BACE2: variants seen among roughly 807,000 people sequenced by gnomAD.
BACE2 encodes the protein 56 kDa aspartic-like protease.
In BACE2, 17 loss-of-function variants were observed where a neutral mutation model predicts 46.2. That is an observed-to-expected ratio of 0.37 (90% CI 0.25 to 0.55). The LOEUF is 0.55. Ranked by LOEUF, BACE2 falls within the 20% of genes least tolerant of loss-of-function variation. The probability of loss-of-function intolerance (pLI) is 0.82; values close to 1 mark genes in which losing one functional copy is unlikely to be tolerated. For synonymous variants in BACE2, 277 were observed against 295.9 expected (o/e 0.94, Z 0.66); for missense variants, 595 against 698.1 (o/e 0.85, Z 1.66).
intron 1 of BACE2, among the ~76,000 whole-genome samples, chr21:41,201,752 G>C (rs1478966658): frequency 6.6e-6 from 1 of 152,228 alleles, no homozygotes; most frequent in African/African-American, 2.4e-5. Flanking sequence ...GTGGTGAAAT[G>C]GGTTTTTTCA....
chr21:41,223,330 T>C (rs1986712899), intron 1 of BACE2, among the ~76,000 whole-genome samples: 1 of 150,186 alleles, frequency 6.7e-6, no homozygotes, highest in African/African-American at 2.5e-5. Flanking sequence ...TACTCCAGCC[T>C]GGGTGACAGA....
rs748361717 is a variant in BACE2 at position 41,179,367 on chromosome 21, G to T, written c.312+10792G>T. 3.8e-6 allele frequency: 5 copies of T among 1,327,818 alleles called. No individual in the cohort carries two copies. The East Asian group carries it at 1.9e-4, about 52-fold the overall frequency. The allele number at this position is 1,327,818 out of a possible 1,614,324, so 82.3% of individuals were successfully genotyped here. Reference sequence around the variant, plus strand: ...TATCCAGGGTGAGTGAGGGTGTCCAGGGTGAGGAGTGAGGGTATCCAGGGT... The same window carrying T: ...TATCCAGGGTGAGTGAGGGTGTCCATGGTGAGGAGTGAGGGTATCCAGGGT... On this transcript the variant is annotated intron_variant, in intron 1 of 8. Coordinates refer to ENST00000330333, the MANE Select transcript of BACE2 (RefSeq NM_012105.5).
intron 1 of BACE2, chr21:41,175,737 A>C (rs2123487432): frequency 6.6e-6 from 1 of 152,368 alleles, no homozygotes; most frequent in South Asian, 2.1e-4. Context: ...AAAGTCTTCC[A>C]GGTACCAGCA....
At chr21:41,224,729 T>C (rs1371272470) in intron 1 of BACE2, among the ~76,000 whole-genome samples, 1 of 152,182 alleles carries the variant, frequency 6.6e-6, no homozygotes, top group Non-Finnish European at 1.5e-5. Context: ...CCCAATAGCA[T>C]TGGTCCCTAG....
intron 6 of BACE2, among the ~76,000 whole-genome samples, chr21:41,250,167 T>C (rs536062266): frequency 1.3e-5 from 2 of 152,236 alleles, no homozygotes; most frequent in East Asian, 3.9e-4. Context: ...GGCATGGTGG[T>C]GTTCTAGTGT....
Position 41,279,026 on chromosome 21 carries a change from T to C in BACE2, c.*3402T>C, listed in dbSNP as rs571736286. ...ACTTGCCAGTAAGTTTTTTGGTTGT[T>C]GTTTTGTTTTTTTTGAAAAACGACG... On this transcript the variant is annotated 3_prime_UTR_variant, in exon 9 of 9. Coordinates refer to ENST00000330333, the MANE Select transcript of BACE2 (RefSeq NM_012105.5). The C allele has an allele frequency of 6.7e-6, 1 of 148,460 alleles. No individual in the cohort carries two copies. Among genetic ancestry groups the C allele is most frequent in the East Asian group, 1.9e-4 (1 of 5,178 alleles). The allele number at this position is 148,460 out of a possible 1,614,324, so 9.2% of individuals were successfully genotyped here.
At chr21:41,219,076 T>C (rs1319392315) in intron 1 of BACE2, among the ~76,000 whole-genome samples, 1 of 152,204 alleles carries the variant, frequency 6.6e-6, no homozygotes, top group Non-Finnish European at 1.5e-5. Context: ...TTAGCCAGGA[T>C]GGTCTGGATC....
At chr21:41,267,603 T>G (rs932887126) in intron 8 of BACE2, among the ~76,000 whole-genome samples, 5 of 152,190 alleles carry the variant, frequency 3.3e-5, no homozygotes, top group Admixed American at 6.5e-5. Context: ...ATGCTCATGT[T>G]TAAAAATAGC....
intron 1 of BACE2, among the ~76,000 whole-genome samples, chr21:41,195,275 G>T (rs1465809163): frequency 6.6e-6 from 1 of 152,202 alleles, no homozygotes; most frequent in African/African-American, 2.4e-5. Flanking sequence ...CTGACCTCTG[G>T]GTTAGACTGT....
At chr21:41,209,128 A>C (rs1416252037) in intron 1 of BACE2, among the ~76,000 whole-genome samples, 1 of 152,216 alleles carries the variant, frequency 6.6e-6, no homozygotes, top group Non-Finnish European at 1.5e-5. Flanking sequence ...CCGCCAGGCC[A>C]TGGAGATTGT....
intron 1 of BACE2, chr21:41,186,123 C>G (rs1283471549): frequency 6.6e-6 from 1 of 152,178 alleles, no homozygotes; most frequent in Admixed American, 6.5e-5. Flanking sequence ...CCTAGCTTAC[C>G]TGATATTACT....
intron 8 of BACE2, among the ~76,000 whole-genome samples, chr21:41,262,293 T>A (rs1258440277): frequency 6.6e-6 from 1 of 152,186 alleles, no homozygotes; most frequent in African/African-American, 2.4e-5. Flanking sequence ...TTGAGTTAAA[T>A]GTTTTTTTGC....
intron 1 of BACE2, among the ~76,000 whole-genome samples, chr21:41,209,474 G>C (rs117710348): frequency 6.6e-6 from 1 of 152,210 alleles, no homozygotes; most frequent in African/African-American, 2.4e-5. Context: ...GATAAGGAAT[G>C]CCAGTCTGGT....
intron 4 of BACE2, among the ~76,000 whole-genome samples, chr21:41,243,094 A>T (rs1987353892): frequency 6.6e-6 from 1 of 152,038 alleles, no homozygotes; most frequent in East Asian, 1.9e-4. Context: ...TTGTATTTTT[A>T]GTAGAGATGG....
chr21:41,179,576 A>G, intron 1 of BACE2: 1 of 1,311,944 alleles, frequency 7.6e-7, no homozygotes, highest in Non-Finnish European at 1.0e-6. Flanking sequence ...GGGTGAGTGC[A>G]CATGTGTGGT....
chr21:41,238,954 TAAAAAAAAAA>T (rs34474586), intron 3 of BACE2, among the ~76,000 whole-genome samples: 4 of 85,658 alleles, frequency 4.7e-5, no homozygotes, highest in Admixed American at 1.3e-4. Flanking sequence ...AAAGTATAAT[TAAAAAAAAAA>T]AAAAAAAAAA....
intron 6 of BACE2, among the ~76,000 whole-genome samples, chr21:41,246,546 A>C (rs1168004733): frequency 7.2e-5 from 11 of 152,236 alleles, no homozygotes; most frequent in Non-Finnish European, 1.3e-4. Context: ...TCATCCCTGC[A>C]CTGGTATCTT....
intron 2 of BACE2, among the ~76,000 whole-genome samples, chr21:41,232,270 C>T (rs1480731288): frequency 2.0e-5 from 3 of 152,114 alleles, no homozygotes; most frequent in Admixed American, 6.5e-5. Context: ...GTTTAGACAC[C>T]GGTTGCACAA....
In BACE2 at chr21:41,250,735, G is replaced by A. The variant is rs762981746; in HGVS notation, c.985-17G>A. On this transcript the variant is annotated splice_polypyrimidine_tract_variant and intron_variant, in intron 6 of 8. Coordinates refer to ENST00000330333, the MANE Select transcript of BACE2 (RefSeq NM_012105.5). ...CCAGACTAGTCATGGTTTCTGATGTGATCTTGTTTTGTCTAGATTCCAGAA... is the reference window on the plus strand; with the variant it reads ...CCAGACTAGTCATGGTTTCTGATGTAATCTTGTTTTGTCTAGATTCCAGAA... 1 of 1,613,722 alleles carries A rather than the reference G, an allele frequency of 6.2e-7. No individual in the cohort carries two copies. Among genetic ancestry groups the A allele is most frequent in the Non-Finnish European group, 8.5e-7 (1 of 1,179,800 alleles).
Sources: gnomAD v4.1 joint callset for allele counts (sites outside exome capture counted in the v4.1 genomes callset) on GRCh38, gnomAD v4.1.1 for gene constraint, MANE v1.5 for transcripts, NCBI Gene and HGNC (gene_info 2026-07-23, HGNC 2026-07-21) for gene names.